The following ALDH18A1 variants were observed in gnomAD, a reference collection of about 807,000 sequenced individuals.
ALDH18A1 encodes the protein aldehyde dehydrogenase 18 family member A1.
ALDH18A1 carries 44 observed loss-of-function variants against 88.8 expected under a neutral mutation model. The ratio of observed to expected loss-of-function variants is 0.50; its 90% CI spans 0.39 to 0.64. The LOEUF (loss-of-function observed/expected upper bound fraction) is 0.64. ALDH18A1 is among the 30% of genes least tolerant of loss of function. The pLI is 0.00. For synonymous variants in ALDH18A1, 331 were observed against 372.1 expected (o/e 0.89, Z 1.27); for missense variants, 782 against 1,009.5 (o/e 0.77, Z 3.05).
At chr10:95,633,812 C>CTTTTTTTT (rs869056809) in intron 5 of ALDH18A1, among the ~76,000 whole-genome samples, 163 bp from the exon 6 acceptor site, 11 of 103,276 alleles carry the variant, frequency 1.1e-4, no homozygotes, top group African/African-American at 1.1e-4. Context: ...CTATCCAATT[C>CTTTTTTTT]TTTTTTTTTT....
intron 3 of ALDH18A1, among the ~76,000 whole-genome samples, chr10:95,637,949 A>G (rs1356901289): frequency 6.6e-6 from 1 of 151,202 alleles, no homozygotes; most frequent in Non-Finnish European, 1.5e-5. Context: ...CAATAGAATG[A>G]GAGAGATGCT....
Position 95,637,203 on chromosome 10 carries a change from A to G in ALDH18A1, c.454-6T>C, listed in dbSNP as rs2139621462. ...GCCTCTAAGACTGGAATTGCCTGTA[A>G]TATACCAATGAGACAAGGTGTGGTA... On this transcript the variant is annotated splice_polypyrimidine_tract_variant and splice_region_variant and intron_variant, in intron 4 of 17. Coordinates refer to ENST00000371224, the MANE Select transcript of ALDH18A1 (RefSeq NM_002860.4). 1 of 1,614,236 alleles carries G rather than the reference A, an allele frequency of 6.2e-7. No individual in the cohort carries two copies. The highest frequency in any genetic ancestry group is 1.1e-5 in the South Asian group (1 of 91,084).
intron 5 of ALDH18A1, among the ~76,000 whole-genome samples, chr10:95,635,451 A>T (rs1691032565): frequency 6.6e-6 from 1 of 152,220 alleles, no homozygotes; most frequent in South Asian, 2.1e-4. Context: ...CAATCTGTTG[A>T]GGGAAAATCA....
chr10:95,620,892 A>C, intron 12 of ALDH18A1, 139 bp downstream of exon 12: 2 of 835,974 alleles, frequency 2.4e-6, no homozygotes, highest in Non-Finnish European at 3.8e-6. Flanking sequence ...ATACCTATGT[A>C]ACAAACCTGC....
chr10:95,631,764 A>C (rs949829747), intron 7 of ALDH18A1, among the ~76,000 whole-genome samples: 1 of 136,440 alleles, frequency 7.3e-6, no homozygotes, highest in African/African-American at 2.8e-5. Context: ...AAAAAAAAAA[A>C]ACAACTGAAT....
intron 2 of ALDH18A1, among the ~76,000 whole-genome samples, chr10:95,648,320 T>TTCATCA (rs56238714): frequency 4.8e-4 from 73 of 150,804 alleles, no homozygotes; most frequent in South Asian, 2.3e-3. Flanking sequence ...ATATTCTACC[T>TTCATCA]TCATCATCAT....
intron 2 of ALDH18A1, among the ~76,000 whole-genome samples, chr10:95,652,776 T>C (rs1012569634): frequency 2.0e-5 from 3 of 152,252 alleles, no homozygotes; most frequent in South Asian, 4.2e-4. Flanking sequence ...TCAACTTTAT[T>C]GACACAAACA....
In ALDH18A1 at chr10:95,606,933, C is replaced by T. The variant is rs1002367939; in HGVS notation, c.2217G>A (p.Val739=). The T allele has an allele frequency of 1.1e-5, 18 of 1,613,928 alleles. No individual in the cohort carries two copies. In the Admixed American group the frequency reaches 1.2e-4, roughly 10 times the overall value. ...DGYRFGLGAE[V]GISTSRIHAR... ...CGTGGATTCTCGATGTACTGATTCC[C>T]ACTTCAGCTCCTGTGAAAAAGCATG... The change falls in exon 18 of 18, where the codon GTG becomes GTA. Residue 739 remains valine (V), a synonymous_variant. Coordinates refer to ENST00000371224, the MANE Select transcript of ALDH18A1 (RefSeq NM_002860.4).
intron 17 of ALDH18A1, among the ~76,000 whole-genome samples, chr10:95,607,567 T>G (rs911013805): frequency 6.6e-6 from 1 of 152,140 alleles, no homozygotes; most frequent in African/African-American, 2.4e-5. Flanking sequence ...GCATGTACTA[T>G]GTACTAGGCA....
chr10:95,615,785 G>C (rs1158605965), intron 13 of ALDH18A1, among the ~76,000 whole-genome samples: 1 of 152,204 alleles, frequency 6.6e-6, no homozygotes, highest in Non-Finnish European at 1.5e-5. Context: ...AAAGGATCTG[G>C]AGTCAGCCTA....
intron 17 of ALDH18A1, among the ~76,000 whole-genome samples, chr10:95,609,920 C>T (rs1303260740): frequency 1.3e-5 from 2 of 152,020 alleles, no homozygotes; most frequent in African/African-American, 4.8e-5. Context: ...AGGCATGCAC[C>T]ACCACACCTG....
chr10:95,654,833 T>C (rs1209848453), intron 1 of ALDH18A1, among the ~76,000 whole-genome samples: 1 of 152,008 alleles, frequency 6.6e-6, no homozygotes, highest in Non-Finnish European at 1.5e-5. Context: ...TGCTAAACAA[T>C]TATTTACATG....
At chr10:95,623,129 C>A (rs544772469) in intron 11 of ALDH18A1, among the ~76,000 whole-genome samples, 1 of 151,922 alleles carries the variant, frequency 6.6e-6, no homozygotes, top group Non-Finnish European at 1.5e-5. Context: ...ACCAATTATA[C>A]AAATTAATTA....
intron 12 of ALDH18A1, 31 bp from the exon 13 acceptor site, chr10:95,616,645 A>G: frequency 1.3e-6 from 2 of 1,592,316 alleles, no homozygotes; most frequent in Non-Finnish European, 1.7e-6. Flanking sequence ...AGTGGATCAA[A>G]GGAGACAAAC....
chr10:95,635,442 A>C (rs2097878839), intron 5 of ALDH18A1, among the ~76,000 whole-genome samples: 1 of 152,214 alleles, frequency 6.6e-6, no homozygotes. Flanking sequence ...AGACAAGCGC[A>C]ATCTGTTGAG....
chr10:95,654,516 C>A (rs1236448069), intron 1 of ALDH18A1, among the ~76,000 whole-genome samples: 2 of 151,976 alleles, frequency 1.3e-5, no homozygotes, highest in Non-Finnish European at 2.9e-5. Context: ...CTCCTTTTAA[C>A]TTTTGTTCCA....
At chr10:95,646,895 C>T (rs2097902213) in intron 2 of ALDH18A1, among the ~76,000 whole-genome samples, 1 of 152,120 alleles carries the variant, frequency 6.6e-6, no homozygotes, top group South Asian at 2.1e-4. Context: ...GAGGAGAACC[C>T]TTTACTTCTT....
At chr10:95,609,817 G>C (rs192469609) in intron 17 of ALDH18A1, among the ~76,000 whole-genome samples, 31 of 134,152 alleles carry the variant, frequency 2.3e-4, no homozygotes, top group Non-Finnish European at 7.6e-5. Context: ...CTCCAGGCTG[G>C]AGTGCTGTAG....
At chr10:95,629,905 G>A (rs975075744) in intron 7 of ALDH18A1, among the ~76,000 whole-genome samples, 4 of 151,656 alleles carry the variant, frequency 2.6e-5, no homozygotes, top group African/African-American at 9.7e-5. Flanking sequence ...GTTCAAACTG[G>A]GTTTTATAAA....
Sources: allele counts gnomAD v4.1 joint callset (sites outside exome capture counted in the v4.1 genomes callset), GRCh38; gene constraint gnomAD v4.1.1; transcripts MANE v1.5; gene names NCBI Gene and HGNC (gene_info 2026-07-23, HGNC 2026-07-21).